Variants in CAMKK1 observed in about 807,000 individuals in gnomAD.
CAMKK1 encodes calcium/calmodulin dependent protein kinase kinase 1.
Under a neutral mutation model 63.5 loss-of-function variants are expected in CAMKK1, and 20 were observed. The ratio of observed to expected loss-of-function variants is 0.32; its 90% CI spans 0.22 to 0.46. CAMKK1 has a LOEUF of 0.46. Among genes scored for constraint, CAMKK1 ranks in the 20% least tolerant of loss-of-function variants. The pLI is 1.00. For missense variants in CAMKK1, 588 were observed against 658.1 expected (o/e 0.89, Z 1.17); for synonymous variants, 253 against 269.0 (o/e 0.94, Z 0.58).
At chr17:3,865,183 T>C (rs2054469975) in intron 15 of CAMKK1, 23 of 985,698 alleles carry the variant, frequency 2.3e-5, no homozygotes, top group Non-Finnish European at 2.5e-5. Context: ...GCTTTTATTA[T>C]AGTGAAGAAG....
chr17:3,883,220 G>T lies in CAMKK1; in HGVS notation c.515-45C>A, dbSNP rs763534844. ...TCAAACACCTGTTCCAGGTGGCTGG[G>T]CCTCACCGTGGCCCCCAAACCAGTC... On this transcript the variant is annotated intron_variant, in intron 5 of 15. Coordinates refer to ENST00000348335, the MANE Select transcript of CAMKK1 (RefSeq NM_032294.3). The surrounding 1 kb of genome is among the most constrained non-coding windows in gnomAD (Gnocchi z 4.7). The T allele has an allele frequency of 1.2e-6, 2 of 1,602,992 alleles. No individual in the cohort carries two copies. Among genetic ancestry groups the T allele is most frequent in the South Asian group, 2.2e-5 (2 of 90,936 alleles).
chr17:3,886,165 T>C (rs1459019238), intron 1 of CAMKK1, among the ~76,000 whole-genome samples: 2 of 152,174 alleles, frequency 1.3e-5, no homozygotes, highest in East Asian at 3.9e-4. Context: ...TCCTGGAAGC[T>C]GAGCTAGACA....
Position 3,882,273 on chromosome 17 carries a change from C to T in CAMKK1, c.685+255G>A, listed in dbSNP as rs778103346. The T allele has an allele frequency of 7.4e-6, 12 of 1,613,470 alleles. No homozygotes were observed. Among genetic ancestry groups the T allele is most frequent in the Admixed American group, 3.3e-5 (2 of 59,966 alleles). ...TGCATCTACCTGAGCGCGCAGCCCA[C>T]GTGGATCCACTGTCTTGCTGCTCAG... On this transcript the variant is annotated intron_variant, in intron 7 of 15. Transcript: ENST00000348335. The surrounding 1 kb of genome is among the most constrained non-coding windows in gnomAD (Gnocchi z 4.3).
At chr17:3,865,760 G>A in intron 15 of CAMKK1, 148 bp downstream of exon 15, 1 of 1,458,152 alleles carries the variant, frequency 6.9e-7, no homozygotes, top group South Asian at 1.4e-5. Context: ...CTTGGGGACA[G>A]AGATGCAAAT....
chr17:3,883,169 G>C lies in CAMKK1; in HGVS notation c.521C>G (p.Pro174Arg). 1 of 1,610,102 alleles carries C rather than the reference G, an allele frequency of 6.2e-7. No homozygotes were observed. The highest frequency in any genetic ancestry group is 8.5e-7 in the Non-Finnish European group (1 of 1,179,942). Residue 174 changes from proline to arginine, a missense_variant, in exon 6 of 16, where the codon CCT (proline) becomes CGT (arginine). By Grantham distance (103) the Pro-to-Arg change is moderately radical. This residue lies in a region of CAMKK1 where 357 missense variants were observed against 407.4 expected (regional missense o/e 0.88). Transcript: ENST00000348335. This position sits in a 1 kb window ranked among gnomAD's most constrained non-coding sequence, Gnocchi z 4.7. ...LLKQYGFPRR[P>R]PPRGSQAAQG... The stretch of plus-strand genomic sequence containing the variant: ...GGCAGCCTGGGACCCTCTCGGGGGA[G>C]GGCGACCTGTGACCAGGAAGAGAAC...
Position 3,865,032 on chromosome 17 carries a change from C to T in CAMKK1, c.1445+876G>A, listed in dbSNP as rs1025405636. 2.5e-5 allele frequency: 19 copies of T among 751,958 alleles called. No homozygotes were observed. In the African/African-American group the frequency reaches 3.2e-4, roughly 13 times the overall value. The allele number at this position is 751,958 out of a possible 1,614,324, so 46.6% of individuals were successfully genotyped here. A position where few individuals can be genotyped will look rare whatever the true frequency, so the allele number is the denominator to read the frequency against. On this transcript the variant is annotated intron_variant, in intron 15 of 15. Transcript: ENST00000348335. ...GGTGGGGCAAACAACTCCCACCAGC[C>T]CCTTCCCCAAAGCTTCCCTCCGGGG...
At chr17:3,870,491 G>A (rs1485367518) in intron 12 of CAMKK1, among the ~76,000 whole-genome samples, 2 of 151,898 alleles carry the variant, frequency 1.3e-5, no homozygotes, top group Non-Finnish European at 2.9e-5. Flanking sequence ...TCAGCCTCCC[G>A]AGTAGCTGGG....
chr17:3,888,700 G>T (rs901658037), intron 1 of CAMKK1, among the ~76,000 whole-genome samples: 2 of 152,250 alleles, frequency 1.3e-5, no homozygotes, highest in South Asian at 4.1e-4. Context: ...GAAGGCGGCC[G>T]CGAGGGCTGA....
In CAMKK1 at chr17:3,889,999, G is replaced by C. The variant is rs12449921; in HGVS notation, c.-44+2940C>G. Among the ~76,000 whole-genome samples, 8,722 of 152,316 alleles carry C rather than the reference G, an allele frequency of 0.057. 511 individuals are homozygous for C. Among genetic ancestry groups the C allele is most frequent in the African/African-American group, 0.15 (6,070 of 41,544 alleles). Reference sequence around the variant, plus strand: ...ACCCCAGTGCCAAGCCGAGGCAGGGGACCAGCTACATCCAGGCGAGGGGAT... The same window carrying C: ...ACCCCAGTGCCAAGCCGAGGCAGGGCACCAGCTACATCCAGGCGAGGGGAT... On this transcript the variant is annotated intron_variant, in intron 1 of 15. Coordinates refer to ENST00000348335, the MANE Select transcript of CAMKK1 (RefSeq NM_032294.3). This position sits in a 1 kb window ranked among gnomAD's most constrained non-coding sequence, Gnocchi z 5.2.
intron 12 of CAMKK1, among the ~76,000 whole-genome samples, chr17:3,871,760 T>C (rs113367780): frequency 0.087 from 12,607 of 144,296 alleles, 1,360 homozygotes; most frequent in African/African-American, 0.25. Flanking sequence ...ATTCTCGTGC[T>C]TCAGCCTCCC....
Position 3,876,228 on chromosome 17 carries a change from C to A in CAMKK1, c.991G>T (p.Gly331Trp), listed in dbSNP as rs1208124525. ...GCCCAGGGCCTGCGAGTCACCTTCCCACTGAAGCTCTGGCCGGAATCAGAA... is the reference window on the plus strand; with the variant it reads ...GCCCAGGGCCTGCGAGTCACCTTCCAACTGAAGCTCTGGCCGGAATCAGAA... ...AISDSGQSFSGKALDVWATGV... is the reference protein window; with the variant it reads ...AISDSGQSFSWKALDVWATGV... Residue 331 changes from glycine to tryptophan, a missense_variant, in exon 10 of 16, where the codon GGG becomes TGG. Coordinates refer to ENST00000348335, the MANE Select transcript of CAMKK1 (RefSeq NM_032294.3). The A allele has an allele frequency of 6.2e-7, 1 of 1,614,018 alleles. No homozygotes were observed. Among genetic ancestry groups the A allele is most frequent in the Non-Finnish European group, 8.5e-7 (1 of 1,179,934 alleles).
intron 14 of CAMKK1, among the ~76,000 whole-genome samples, chr17:3,867,236 A>C (rs1248479997): frequency 6.6e-6 from 1 of 152,216 alleles, no homozygotes; most frequent in Non-Finnish European, 1.5e-5. Flanking sequence ...TGAGGGAGCG[A>C]GTCCCGTGGC....
rs866211964 is a variant in CAMKK1, at chr17:3,871,336, T to G, written c.1124+1218A>C. On this transcript the variant is annotated intron_variant, in intron 12 of 15. Transcript: ENST00000348335. ...CTTTTTTTGTTTGTTGTTTTTTGTT[T>G]TTTTTTTTTTGTTTTTTTTTTTTTT... Among the ~76,000 whole-genome samples the G allele has an allele frequency of 3.0e-3, 262 of 88,632 alleles. 2 individuals carry two copies. Among genetic ancestry groups the G allele is most frequent in the Non-Finnish European group, 4.4e-3 (212 of 47,988 alleles). 58.1% of individuals were successfully genotyped at this position (88,632 alleles called of 152,430 possible). A position where few individuals can be genotyped will look rare whatever the true frequency, so the allele number is the denominator to read the frequency against.
At chr17:3,881,778 G>A in intron 7 of CAMKK1, 130 bp from the exon 8 acceptor site, 3 of 790,162 alleles carry the variant, frequency 3.8e-6, no homozygotes, top group African/African-American at 3.4e-5. Flanking sequence ...ACAGGACAGG[G>A]GACCCTGGGA....
chr17:3,860,724 A>G lies in CAMKK1; in HGVS notation c.*1487T>C, dbSNP rs917398815. On this transcript the variant is annotated 3_prime_UTR_variant, in exon 16 of 16. Coordinates refer to ENST00000348335, the MANE Select transcript of CAMKK1 (RefSeq NM_032294.3). Reference sequence around the variant, plus strand: ...GGGCACATTCGGCTCCTAGCCTTAAATAGACGTAGAAACTGTATTACAGAT... The same window carrying G: ...GGGCACATTCGGCTCCTAGCCTTAAGTAGACGTAGAAACTGTATTACAGAT... 6.6e-6 allele frequency: 1 copy of G among 152,268 alleles called. No homozygotes were observed. The highest frequency in any genetic ancestry group is 2.4e-5 in the African/African-American group (1 of 41,460). 9.4% of individuals were successfully genotyped at this position (152,268 alleles called of 1,614,324 possible).
chr17:3,869,589 C>T lies in CAMKK1; in HGVS notation c.1239G>A (p.Gly413=). The T allele has an allele frequency of 1.9e-6, 3 of 1,614,234 alleles. No individual in the cohort carries two copies. The highest frequency in any genetic ancestry group is 1.7e-6 in the Non-Finnish European group (2 of 1,180,042). ...IKLHPWVTKN[G]EEPLPSEEEH... ...CCTCCTCCGAAGGAAGGGGCTCCTC[C>T]CCGTTCTTGGTCACCCAAGGGTGCA... The change falls in exon 14 of 16, where the codon GGG becomes GGA. Residue 413 remains glycine (G), a synonymous_variant. Coordinates refer to ENST00000348335, the MANE Select transcript of CAMKK1 (RefSeq NM_032294.3).
In CAMKK1 at chr17:3,871,645, C is replaced by T. The variant is rs184765507; in HGVS notation, c.1124+909G>A. Among the ~76,000 whole-genome samples the T allele has an allele frequency of 5.5e-3, 811 of 147,768 alleles. 6 individuals are homozygous for T. Among genetic ancestry groups the T allele is most frequent in the Middle Eastern group, 7.4e-3 (2 of 270 alleles). Reference sequence around the variant, plus strand: ...TGCTGGAATTACAGGTGTGAGCCGCCGCACCCGGCCTTATTCAGTTTCTTT... The same window carrying T: ...TGCTGGAATTACAGGTGTGAGCCGCTGCACCCGGCCTTATTCAGTTTCTTT... On this transcript the variant is annotated intron_variant, in intron 12 of 15. Coordinates refer to ENST00000348335, the MANE Select transcript of CAMKK1 (RefSeq NM_032294.3).
intron 9 of CAMKK1, among the ~76,000 whole-genome samples, chr17:3,876,870 G>A (rs902011037): frequency 2.0e-5 from 3 of 149,710 alleles, no homozygotes; most frequent in Admixed American, 1.4e-4. Flanking sequence ...AGATTCTCCT[G>A]CCTCAGCCTC....
chr17:3,876,215 C>A lies in CAMKK1; in HGVS notation c.996+8G>T, dbSNP rs745711852. The A allele has an allele frequency of 1.9e-6, 3 of 1,612,582 alleles. No homozygotes were observed. In the African/African-American group the frequency reaches 4.0e-5, roughly 22 times the overall value. Reference sequence around the variant, plus strand: ...GAACCCCAGCCTGGCCCAGGGCCTGCGAGTCACCTTCCCACTGAAGCTCTG... The same window carrying A: ...GAACCCCAGCCTGGCCCAGGGCCTGAGAGTCACCTTCCCACTGAAGCTCTG... On this transcript the variant is annotated splice_region_variant and intron_variant, in intron 10 of 15. Coordinates refer to ENST00000348335, the MANE Select transcript of CAMKK1 (RefSeq NM_032294.3).
Sources: gnomAD v4.1 joint callset for allele counts (sites outside exome capture counted in the v4.1 genomes callset) on GRCh38, gnomAD v4.1.1 for gene constraint, gnomAD v4.1.1 regional missense constraint, Gnocchi (gnomAD v3.1) non-coding constraint, MANE v1.5 for transcripts, NCBI Gene and HGNC (gene_info 2026-07-23, HGNC 2026-07-21) for gene names.